The following THSD7B variants were observed in gnomAD, a reference collection of about 807,000 sequenced individuals.
The protein encoded by THSD7B is thrombospondin type-1 domain-containing protein 7B.
A neutral mutation model predicts 213.6 loss-of-function variants in THSD7B; 138 were observed. That is an observed-to-expected ratio of 0.65 (90% CI 0.56 to 0.74). The LOEUF (loss-of-function observed/expected upper bound fraction) is 0.74. THSD7B is among the 30% of genes least tolerant of loss of function. The probability of loss-of-function intolerance (pLI) is 0.00; values close to 1 mark genes in which losing one functional copy is unlikely to be tolerated. For missense variants in THSD7B, 1,931 were observed against 1,991.5 expected, an observed-to-expected ratio of 0.97 and a Z score of 0.58; for synonymous variants, 742 against 687.0, an observed-to-expected ratio of 1.08 and a Z score of -1.25.
intron 20 of THSD7B, among the ~76,000 whole-genome samples, chr2:137,631,837 C>T (rs1049510496): frequency 2.0e-5 from 3 of 152,136 alleles, no homozygotes; most frequent in Non-Finnish European, 4.4e-5. Flanking sequence ...TGTAGGATGT[C>T]GGACCACTCA....
At chr2:137,211,331 T>TACACACAC (rs1224147467) in intron 7 of THSD7B, among the ~76,000 whole-genome samples, 5 of 6,274 alleles carry the variant, frequency 8.0e-4, no homozygotes, top group Admixed American at 1.6e-3. Flanking sequence ...CTATCCTTCC[T>TACACACAC]ACACACACAC....
chr2:137,581,472 C>T (rs970732775), intron 17 of THSD7B, among the ~76,000 whole-genome samples: 25 of 151,980 alleles, frequency 1.6e-4, no homozygotes, highest in African/African-American at 4.8e-4. Flanking sequence ...CCTGTAATCC[C>T]AGGTTCTCCA....
chr2:137,202,558 G>A (rs777655545), intron 7 of THSD7B, among the ~76,000 whole-genome samples: 38 of 152,178 alleles, frequency 2.5e-4, no homozygotes, highest in Non-Finnish European at 7.3e-5. Context: ...GCACGGCCCT[G>A]CCAACACCTA....
At chr2:137,176,860 T>C (rs1183446775) in intron 7 of THSD7B, among the ~76,000 whole-genome samples, 2 of 152,172 alleles carry the variant, frequency 1.3e-5, no homozygotes, top group African/African-American at 4.8e-5. Flanking sequence ...GCTCCTCCCT[T>C]TCCTGCCTCA....
intron 2 of THSD7B, among the ~76,000 whole-genome samples, chr2:137,024,971 C>T (rs1466969443): frequency 6.6e-6 from 1 of 152,142 alleles, no homozygotes; most frequent in Non-Finnish European, 1.5e-5. Flanking sequence ...TTCCCGGAGT[C>T]CTGCAGCGGC....
chr2:136,770,153 A>T (rs1023965019), intron 1 of THSD7B, among the ~76,000 whole-genome samples: 1 of 152,218 alleles, frequency 6.6e-6, no homozygotes, highest in Admixed American at 6.5e-5. Context: ...ACTTCGTGGC[A>T]GTTAGGCACG....
intron 7 of THSD7B, among the ~76,000 whole-genome samples, chr2:137,198,548 A>T (rs924171985): frequency 6.6e-6 from 1 of 152,190 alleles, no homozygotes; most frequent in African/African-American, 2.4e-5. Context: ...AAAAGAGACT[A>T]ACGGTTTCAG....
intron 12 of THSD7B, among the ~76,000 whole-genome samples, chr2:137,390,544 C>A (rs939656772): frequency 7.9e-5 from 12 of 152,124 alleles, no homozygotes; most frequent in African/African-American, 2.9e-4. Flanking sequence ...TGCCTGATTT[C>A]TCTGGCTAGG....
intron 10 of THSD7B, among the ~76,000 whole-genome samples, chr2:137,272,314 A>G: frequency 6.6e-6 from 1 of 152,100 alleles, no homozygotes; most frequent in East Asian, 1.9e-4. Context: ...AGCGGGAAAT[A>G]ATTATATTCG....
At position 137,039,162 on chromosome 2, in the gene THSD7B, C is replaced by T. The variant is rs192188160; in HGVS notation, c.140-17258C>T. On this transcript the variant is annotated intron_variant, in intron 2 of 27. Coordinates refer to ENST00000409968, the MANE Select transcript of THSD7B (RefSeq NM_001316349.2). Reference sequence around the variant, plus strand: ...TTCTTTTATTCTTCTTTAAAATACACATTTTAAAGATGTGGAGAATAGCAA... The same window carrying T: ...TTCTTTTATTCTTCTTTAAAATACATATTTTAAAGATGTGGAGAATAGCAA... Among the ~76,000 whole-genome samples, 81 of 152,258 alleles carry T rather than the reference C, an allele frequency of 5.3e-4. 1 individual carries two copies. The highest frequency in any genetic ancestry group is 1.9e-3 in the African/African-American group (81 of 41,552).
At chr2:136,917,921 T>C (rs924222808) in intron 2 of THSD7B, among the ~76,000 whole-genome samples, 18 of 152,324 alleles carry the variant, frequency 1.2e-4, no homozygotes, top group African/African-American at 4.1e-4. Flanking sequence ...GGCTTAGGGT[T>C]AGGGGAAGAC....
At chr2:137,143,295 T>G (rs1279325999) in intron 5 of THSD7B, among the ~76,000 whole-genome samples, 1 of 152,164 alleles carries the variant, frequency 6.6e-6, no homozygotes, top group Non-Finnish European at 1.5e-5. Flanking sequence ...TGTGTAAATC[T>G]AATTCCTCCA....
chr2:137,670,471 GA>G (rs1683538255), intron 27 of THSD7B, among the ~76,000 whole-genome samples: 1 of 95,232 alleles, frequency 1.1e-5, no homozygotes, highest in Non-Finnish European at 2.2e-5. Context: ...TTCTAACAAG[GA>G]AAATTTTTTA....
At chr2:136,967,827 A>G (rs1325035041) in intron 2 of THSD7B, among the ~76,000 whole-genome samples, 1 of 152,140 alleles carries the variant, frequency 6.6e-6, no homozygotes, top group African/African-American at 2.4e-5. Flanking sequence ...ATGCTTCCCT[A>G]AAGAAAATAG....
At chr2:137,019,272 C>G (rs1373924382) in intron 2 of THSD7B, among the ~76,000 whole-genome samples, 1 of 152,182 alleles carries the variant, frequency 6.6e-6, no homozygotes, top group Non-Finnish European at 1.5e-5. Flanking sequence ...ATTTGAGTCT[C>G]TCTGCCATTC....
At position 137,247,319 on chromosome 2, in the gene THSD7B, T is replaced by A. The variant is rs555069439; in HGVS notation, c.2266+4747T>A. Among the ~76,000 whole-genome samples the A allele has an allele frequency of 2.8e-4, 42 of 152,318 alleles. No homozygotes were observed. The South Asian group carries it at 4.3e-3, about 16-fold the overall frequency. On this transcript the variant is annotated intron_variant, in intron 10 of 27. Transcript: ENST00000409968. ...TACAAAGTATTAATGGTTAATACAA[T>A]GTATTCATGTCATGATGGCTGCACA... is the stretch of plus-strand genomic sequence containing the variant.
At chr2:137,152,534 G>T (rs1296907050) in intron 5 of THSD7B, among the ~76,000 whole-genome samples, 1 of 152,160 alleles carries the variant, frequency 6.6e-6, no homozygotes, top group African/African-American at 2.4e-5. Flanking sequence ...TGTAAAAATA[G>T]AAATGATAAT....
At chr2:137,306,690 A>G (rs1683755267) in intron 12 of THSD7B, among the ~76,000 whole-genome samples, 1 of 152,006 alleles carries the variant, frequency 6.6e-6, no homozygotes, top group African/African-American at 2.4e-5. Flanking sequence ...TTAGACTGAT[A>G]CATGTTTTCT....
intron 12 of THSD7B, among the ~76,000 whole-genome samples, chr2:137,405,286 A>G (rs1686489593): frequency 6.6e-6 from 1 of 151,262 alleles, no homozygotes; most frequent in African/African-American, 2.4e-5. Flanking sequence ...TCTTACTCTT[A>G]TAGTTTCCCT....
Sources: gnomAD v4.1 joint callset for allele counts (sites outside exome capture counted in the v4.1 genomes callset) on GRCh38, gnomAD v4.1.1 for gene constraint, MANE v1.5 for transcripts, NCBI Gene and HGNC (gene_info 2026-07-23, HGNC 2026-07-21) for gene names.